The following ABCA9 variants were observed in gnomAD, a reference collection of about 807,000 sequenced individuals.
The protein encoded by ABCA9 is ATP-binding cassette sub-family A member 9.
ABCA9 carries 183 observed loss-of-function variants against 205.3 expected under a neutral mutation model. The ratio of observed to expected loss-of-function variants is 0.89; its 90% confidence interval spans 0.79 to 1.01. The LOEUF (loss-of-function observed/expected upper bound fraction) is 1.01, where lower values mean the gene tolerates loss of function less well. ABCA9 is among the 50% of genes least tolerant of loss of function. The pLI is 0.00. For missense variants in ABCA9, 1,805 were observed against 1,912.4 expected, an observed-to-expected ratio of 0.94 and a Z score of 1.05; for synonymous variants, 651 against 683.3, an observed-to-expected ratio of 0.95 and a Z score of 0.74.
At position 68,974,584 on chromosome 17, in the gene ABCA9, C is replaced by A. The variant is rs1437619593; in HGVS notation, c.*1331G>T. 2 of 152,050 alleles carry A rather than the reference C, an allele frequency of 1.3e-5. No homozygotes were observed. The highest frequency in any genetic ancestry group is 4.8e-5 in the African/African-American group (2 of 41,396). 9.4% of individuals were successfully genotyped at this position (152,050 alleles called of 1,614,324 possible). ...TTTCACACAACTTCCTTCAAGTATTCAATTAGATAGCAATAATAATAGTAT... is the reference window on the plus strand; with the variant it reads ...TTTCACACAACTTCCTTCAAGTATTAAATTAGATAGCAATAATAATAGTAT... On this transcript the variant is annotated 3_prime_UTR_variant, in exon 39 of 39. Transcript: ENST00000340001.
chr17:69,033,519 T>C, intron 9 of ABCA9: 1 of 382,228 alleles, frequency 2.6e-6, no homozygotes, highest in Non-Finnish European at 4.7e-6. Flanking sequence ...CTCACAAGTG[T>C]CTCTTTTTAA....
At chr17:69,016,560 TA>T (rs576977064) in intron 21 of ABCA9, among the ~76,000 whole-genome samples, 170 bp from the exon 22 acceptor site, 161 of 152,252 alleles carry the variant, frequency 1.1e-3, no homozygotes, top group African/African-American at 3.7e-3. Flanking sequence ...TAAGTATACT[TA>T]AAGAATCCGG....
chr17:68,991,095 C>T (rs2144032166), intron 28 of ABCA9, 138 bp from the exon 29 acceptor site: 1 of 966,308 alleles, frequency 1.0e-6, no homozygotes, highest in East Asian at 2.7e-5. Flanking sequence ...TCTACTTGCA[C>T]CATCCGCCTT....
intron 30 of ABCA9, 73 bp from the exon 31 acceptor site, chr17:68,989,191 C>T: frequency 2.1e-6 from 2 of 931,942 alleles, no homozygotes; most frequent in African/African-American, 3.3e-5. Flanking sequence ...CATTTGAGGG[C>T]TGTGTGTCAA....
At chr17:69,059,805 AG>A in intron 1 of ABCA9, among the ~76,000 whole-genome samples, 1 of 152,172 alleles carries the variant, frequency 6.6e-6, no homozygotes, top group South Asian at 2.1e-4. Flanking sequence ...CCTCATCAGC[AG>A]AACAAAGAAG....
the ABCA9 span, among the ~76,000 whole-genome samples, chr17:69,077,739 C>CCA: frequency 6.6e-6 from 1 of 151,820 alleles, no homozygotes; most frequent in Non-Finnish European, 1.5e-5. Flanking sequence ...TTGAATTGAA[C>CCA]CCCTTATTAT....
chr17:68,977,643 T>C (rs1221962710), intron 37 of ABCA9, among the ~76,000 whole-genome samples: 5 of 152,314 alleles, frequency 3.3e-5, no homozygotes, highest in African/African-American at 4.8e-5. Context: ...TAGGAAAGAA[T>C]GAAACTATGC....
chr17:69,021,959 A>G, intron 17 of ABCA9, 98 bp from the exon 18 acceptor site: 4 of 978,618 alleles, frequency 4.1e-6, no homozygotes, highest in Non-Finnish European at 5.5e-6. Context: ...CAAATGTACT[A>G]ATCAGAAACA....
intron 18 of ABCA9, among the ~76,000 whole-genome samples, chr17:69,021,209 A>T (rs759616901): frequency 6.6e-6 from 1 of 152,098 alleles, no homozygotes; most frequent in East Asian, 1.9e-4. Context: ...ATCCAAAAAG[A>T]CCCCCAGAAA....
chr17:69,008,137 G>T lies in ABCA9; in HGVS notation c.3246C>A (p.Leu1082=). 4 of 1,613,094 alleles carry T rather than the reference G, an allele frequency of 2.5e-6. No individual in the cohort carries two copies. The highest frequency in any genetic ancestry group is 2.5e-6 in the Non-Finnish European group (3 of 1,179,074). The change falls in exon 24 of 39, where the codon CTC becomes CTA. Residue 1082 remains leucine (L), a synonymous_variant. Coordinates refer to ENST00000340001, the MANE Select transcript of ABCA9 (RefSeq NM_080283.4). Reference sequence around the variant, plus strand: ...TATAATCCATTATTTGCATTAGCAGGAGGATCAAAAAGTACAGGGAAACAT... The same window carrying T: ...TATAATCCATTATTTGCATTAGCAGTAGGATCAAAAAGTACAGGGAAACAT... ...LVDVSLYFLI[L]LLMQIMDYIF...
upstream of ABCA9, among the ~76,000 whole-genome samples, chr17:69,063,525 C>T (rs2144569605): frequency 6.6e-6 from 1 of 152,344 alleles, no homozygotes. Flanking sequence ...CATTCTTTCT[C>T]AGATCTGGCT....
At chr17:69,031,254 T>C (rs192842541) in intron 10 of ABCA9, among the ~76,000 whole-genome samples, 3 of 152,304 alleles carry the variant, frequency 2.0e-5, no homozygotes, top group Admixed American at 2.0e-4. Flanking sequence ...CTAATTCTGT[T>C]ATAGGCACTG....
intron 23 of ABCA9, among the ~76,000 whole-genome samples, chr17:69,010,527 A>T (rs9894350): frequency 0.071 from 10,854 of 152,116 alleles, 1,269 homozygotes; most frequent in African/African-American, 0.24. Flanking sequence ...GCTCTGCCAG[A>T]CAACATAAAT....
At chr17:69,002,504 T>C (rs1160992490) in intron 25 of ABCA9, among the ~76,000 whole-genome samples, 3 of 149,184 alleles carry the variant, frequency 2.0e-5, no homozygotes, top group Non-Finnish European at 4.5e-5. Context: ...TAATTTCTGT[T>C]CTTTTACATT....
At position 68,981,835 on chromosome 17, in the gene ABCA9, CAAA is replaced by C. The variant is rs398041827; in HGVS notation, c.4720+724_4720+726del. ...CTGGCGACAAAGGAAAACTCTTTCTCAAAAAAAAAAAAAAAAAAAAAAAAAGCT... is the reference window on the plus strand; with the variant it reads ...CTGGCGACAAAGGAAAACTCTTTCTCAAAAAAAAAAAAAAAAAAAAAAGCT... On this transcript the variant is annotated intron_variant, in intron 37 of 38. Coordinates refer to ENST00000340001, the MANE Select transcript of ABCA9 (RefSeq NM_080283.4). Among the ~76,000 whole-genome samples, 287 of 51,630 alleles carry C rather than the reference CAAA, an allele frequency of 5.6e-3. 1 individual carries two copies. Among genetic ancestry groups the C allele is most frequent in the African/African-American group, 0.022 (251 of 11,174 alleles). 33.9% of individuals were successfully genotyped at this position (51,630 alleles called of 152,430 possible).
chr17:69,067,788 T>C, the ABCA9 span, among the ~76,000 whole-genome samples: 1 of 152,192 alleles, frequency 6.6e-6, no homozygotes, highest in African/African-American at 2.4e-5. Context: ...TTACAAGTTA[T>C]AGTCAGAGTT....
At position 68,975,785 on chromosome 17, in the gene ABCA9, A is replaced by C. The variant is rs890733878; in HGVS notation, c.*130T>G. 9.6e-6 allele frequency: 7 copies of C among 728,660 alleles called. No individual in the cohort carries two copies. The highest frequency in any genetic ancestry group is 1.4e-5 in the Non-Finnish European group (6 of 435,146). 45.1% of individuals were successfully genotyped at this position (728,660 alleles called of 1,614,324 possible). On this transcript the variant is annotated 3_prime_UTR_variant, in exon 39 of 39. Coordinates refer to ENST00000340001, the MANE Select transcript of ABCA9 (RefSeq NM_080283.4). ...CTGTTGTCTCACTGTAAGAAATACT[A>C]CTGAGGATAATTATTGCATGAGTTT...
chr17:69,058,857 C>A (rs936586937), intron 1 of ABCA9, among the ~76,000 whole-genome samples: 3 of 151,014 alleles, frequency 2.0e-5, no homozygotes, highest in Non-Finnish European at 3.0e-5. Flanking sequence ...AAAAGACATA[C>A]CTGAGACTGA....
intron 3 of ABCA9, 61 bp from the exon 4 acceptor site, chr17:69,045,397 CA>C (rs2071678096): frequency 1.3e-6 from 2 of 1,501,978 alleles, no homozygotes; most frequent in Non-Finnish European, 1.8e-6. Flanking sequence ...TGGCCATATT[CA>C]ATTATGTTGA....
Sources: gnomAD v4.1 joint callset for allele counts (sites outside exome capture counted in the v4.1 genomes callset) on GRCh38, gnomAD v4.1.1 for gene constraint, MANE v1.5 for transcripts, NCBI Gene and HGNC (gene_info 2026-07-23, HGNC 2026-07-21) for gene names.